The following GYS2 variants were observed in gnomAD, a reference collection of about 807,000 sequenced individuals.
GYS2 encodes the protein glycogen synthase 2.
Under a neutral mutation model 85.6 loss-of-function variants are expected in GYS2, and 80 were observed. The observed-to-expected ratio is 0.93, with a 90% CI of 0.78 to 1.13. GYS2 has a LOEUF of 1.13. Ranked by LOEUF, GYS2 falls within the 50% of genes most tolerant of loss-of-function variation. The pLI is 0.00. For synonymous variants in GYS2, 328 were observed against 300.7 expected (o/e 1.09, Z -0.94); for missense variants, 881 against 854.9 (o/e 1.03, Z -0.38).
chr12:21,534,251 C>A (rs1390194697), downstream of GYS2, among the ~76,000 whole-genome samples: 1 of 152,178 alleles, frequency 6.6e-6, no homozygotes, highest in African/African-American at 2.4e-5. Flanking sequence ...TGGCTCATGC[C>A]TGTAATCCCA....
At chr12:21,594,627 T>C (rs1944675787) in intron 1 of GYS2, among the ~76,000 whole-genome samples, 1 of 152,122 alleles carries the variant, frequency 6.6e-6, no homozygotes, top group Non-Finnish European at 1.5e-5. Flanking sequence ...ATATCCTATG[T>C]TCATGGATCA....
chr12:21,599,087 C>CTA (rs397790624), intron 1 of GYS2, among the ~76,000 whole-genome samples: 1 of 148,910 alleles, frequency 6.7e-6, no homozygotes, highest in African/African-American at 2.5e-5. Flanking sequence ...CTCTCTCTCT[C>CTA]CCCCATCTCT....
chr12:21,576,021 A>G lies in GYS2; in HGVS notation c.340T>C (p.Tyr114His), dbSNP rs757754937. The G allele has an allele frequency of 3.2e-5, 52 of 1,613,584 alleles. No homozygotes were observed. Among genetic ancestry groups the G allele is most frequent in the Non-Finnish European group, 4.2e-5 (49 of 1,179,836 alleles). Reference protein sequence around the residue: ...FGRWLIEGSPYVVLFDIGYSA... With the variant: ...FGRWLIEGSPHVVLFDIGYSA... ...TAGCCTATGTCAAAAAGTACCACATAAGGACTTCCTTCTATCAGCCATCTT... is the reference window on the plus strand; with the variant it reads ...TAGCCTATGTCAAAAAGTACCACATGAGGACTTCCTTCTATCAGCCATCTT... Residue 114 changes from tyrosine to histidine, a missense_variant, in exon 3 of 16, where the codon TAT becomes CAT. Coordinates refer to ENST00000261195, the MANE Select transcript of GYS2 (RefSeq NM_021957.4).
In GYS2 at chr12:21,574,247, C is replaced by G; in HGVS notation, c.575G>C (p.Arg192Pro). The G allele has an allele frequency of 3.1e-6, 5 of 1,613,468 alleles. No individual in the cohort carries two copies. The highest frequency in any genetic ancestry group is 3.4e-6 in the Non-Finnish European group (4 of 1,179,580). The change falls in exon 4 of 16, where the codon CGA becomes CCA. Residue 192 changes from arginine (R) to proline (P), a missense_variant. Coordinates refer to ENST00000261195, the MANE Select transcript of GYS2 (RefSeq NM_021957.4). Reference sequence around the variant, plus strand: ...TGTGGCAATAGGAAGTTTCCTGGCTCGAGAAAGGATCAGTCCAATTCCAGC... The same window carrying G: ...TGTGGCAATAGGAAGTTTCCTGGCTGGAGAAAGGATCAGTCCAATTCCAGC... ...WQAGIGLILS[R>P]ARKLPIATIF...
chr12:21,557,933 AT>A (rs1480244994), intron 11 of GYS2, among the ~76,000 whole-genome samples: 1 of 152,142 alleles, frequency 6.6e-6, no homozygotes, highest in Non-Finnish European at 1.5e-5. Context: ...AAAGTAAGTA[AT>A]TTCCTTATGC....
chr12:21,548,710 C>A (rs549832425), intron 11 of GYS2, among the ~76,000 whole-genome samples: 2 of 151,964 alleles, frequency 1.3e-5, no homozygotes, highest in African/African-American at 2.4e-5. Flanking sequence ...TGCTGTGAAC[C>A]TAAAACTGTT....
chr12:21,559,578 A>G, intron 9 of GYS2, 73 bp downstream of exon 9: 1 of 846,480 alleles, frequency 1.2e-6, no homozygotes, highest in South Asian at 1.4e-5. Flanking sequence ...TTAATAAGTT[A>G]TGATGTCTAA....
chr12:21,544,166 G>T (rs905223326), intron 12 of GYS2, among the ~76,000 whole-genome samples: 2 of 152,142 alleles, frequency 1.3e-5, no homozygotes, highest in African/African-American at 2.4e-5. Flanking sequence ...TATCTAATAT[G>T]CTAATGTTAA....
intron 4 of GYS2, 36 bp downstream of exon 4, chr12:21,574,108 A>G: frequency 6.7e-7 from 1 of 1,485,290 alleles, no homozygotes; most frequent in Non-Finnish European, 9.4e-7. Flanking sequence ...ATCTGAAAGA[A>G]GGGTGAGTAA....
chr12:21,563,333 G>A lies in GYS2; in HGVS notation c.836C>T (p.Pro279Leu). 1 of 1,572,642 alleles carries A rather than the reference G, an allele frequency of 6.4e-7. No homozygotes were observed. The highest frequency in any genetic ancestry group is 8.8e-7 in the Non-Finnish European group (1 of 1,142,376). Residue 279 changes from proline (P) to leucine (L), a missense_variant, in exon 6 of 16, where the codon CCA (proline) becomes CTA (leucine). Coordinates refer to ENST00000261195, the MANE Select transcript of GYS2 (RefSeq NM_021957.4). ...MLKRKPDVVT[P>L]NGLNVKKFSA... ...AAATTTCTTAACATTCAAGCCGTTT[G>A]GAGTAACTACATCTAGAAAGGCAAA...
intron 11 of GYS2, among the ~76,000 whole-genome samples, chr12:21,556,247 C>G (rs1002385413): frequency 8.5e-5 from 13 of 152,248 alleles, no homozygotes; most frequent in African/African-American, 2.9e-4. Flanking sequence ...GGCACAATCG[C>G]AGCCTCTACC....
At chr12:21,597,766 C>A (rs10770842) in intron 1 of GYS2, among the ~76,000 whole-genome samples, 2 of 151,914 alleles carry the variant, frequency 1.3e-5, no homozygotes, top group Non-Finnish European at 2.9e-5. Context: ...TATTGCAGCA[C>A]GATTCACATT....
chr12:21,536,932 C>G lies in GYS2; in HGVS notation c.*22G>C, dbSNP rs1345253161. 6.5e-7 allele frequency: 1 copy of G among 1,527,400 alleles called. No homozygotes were observed. Among genetic ancestry groups the G allele is most frequent in the Admixed American group, 1.7e-5 (1 of 59,884 alleles). 94.6% of individuals were successfully genotyped at this position (1,527,400 alleles called of 1,614,324 possible). ...CTTACTTTGCTTTTTTAAATTAGCT[C>G]TTCATGCAGCACATGTAGAATTCAG... On this transcript the variant is annotated 3_prime_UTR_variant, in exon 16 of 16. Transcript: ENST00000261195.
chr12:21,548,830 T>TG (rs1268750944), intron 11 of GYS2, among the ~76,000 whole-genome samples: 14 of 152,116 alleles, frequency 9.2e-5, no homozygotes, highest in Middle Eastern at 3.2e-3. Flanking sequence ...TTTTTTTTGG[T>TG]GGGGGGCACG....
In GYS2 at chr12:21,583,410, G is replaced by T. The variant is rs187817312; in HGVS notation, c.122-2887C>A. ...GAGGCAACATATTCCTGATTTGGGT[G>T]TGTTACTCTGGCCCATTTATCGAGT... On this transcript the variant is annotated intron_variant, in intron 1 of 15. Transcript: ENST00000261195. Among the ~76,000 whole-genome samples the T allele has an allele frequency of 4.0e-4, 61 of 152,280 alleles. 1 individual carries two copies. The highest frequency in any genetic ancestry group is 3.5e-3 in the Admixed American group (53 of 15,302).
intron 1 of GYS2, among the ~76,000 whole-genome samples, chr12:21,594,715 A>C (rs73087317): frequency 0.12 from 18,992 of 152,210 alleles, 1,194 homozygotes; most frequent in Middle Eastern, 0.2. Context: ...CAAAATAGCA[A>C]TGTCATTTTT....
chr12:21,542,165 A>G lies in GYS2; in HGVS notation c.1645+331T>C, dbSNP rs368492953. Among the ~76,000 whole-genome samples the G allele has an allele frequency of 8.2e-4, 124 of 152,098 alleles. 2 individuals are homozygous for G. Among genetic ancestry groups the G allele is most frequent in the African/African-American group, 2.9e-3 (119 of 41,476 alleles). On this transcript the variant is annotated intron_variant, in intron 13 of 15. Transcript: ENST00000261195. ...CAGGTTCAAGTGATTATAGTGCCTCAGCCTCTGGAGTAGCTGGAATTACAG... is the reference window on the plus strand; with the variant it reads ...CAGGTTCAAGTGATTATAGTGCCTCGGCCTCTGGAGTAGCTGGAATTACAG...
intron 4 of GYS2, among the ~76,000 whole-genome samples, chr12:21,573,889 A>G (rs1161672375): frequency 6.6e-6 from 1 of 152,190 alleles, no homozygotes; most frequent in African/African-American, 2.4e-5. Flanking sequence ...CTCCTACCAT[A>G]TCCCTCTGGA....
intron 1 of GYS2, among the ~76,000 whole-genome samples, chr12:21,587,242 T>A (rs1413832777): frequency 1.3e-5 from 2 of 152,172 alleles, no homozygotes; most frequent in Non-Finnish European, 2.9e-5. Context: ...GGATACAACA[T>A]TCACTTTTCA....
Sources: gnomAD v4.1 joint callset for allele counts (sites outside exome capture counted in the v4.1 genomes callset) on GRCh38, gnomAD v4.1.1 for gene constraint, MANE v1.5 for transcripts, NCBI Gene and HGNC (gene_info 2026-07-23, HGNC 2026-07-21) for gene names.